Variants in RBFOX1 observed in about 807,000 individuals in gnomAD.
RBFOX1 encodes the protein RNA binding protein fox-1 homolog 1.
Under a neutral mutation model 57.7 loss-of-function variants are expected in RBFOX1, and 8 were observed. The observed-to-expected ratio is 0.14, with a 90% CI of 0.08 to 0.25. RBFOX1 has a LOEUF of 0.25. Among genes scored for constraint, RBFOX1 ranks in the 10% least tolerant of loss-of-function variants. The pLI is 1.00. For missense variants in RBFOX1, 611 were observed against 548.5 expected, an observed-to-expected ratio of 1.11 and a Z score of -1.14; for synonymous variants, 326 against 222.4, an observed-to-expected ratio of 1.47 and a Z score of -4.15.
chr16:6,561,066 A>G (rs983372702), intron 2 of RBFOX1, among the ~76,000 whole-genome samples: 1 of 152,186 alleles, frequency 6.6e-6, no homozygotes, highest in African/African-American at 2.4e-5. Context: ...AATTGTTGCT[A>G]TGTGCAGCTG....
downstream of RBFOX1, among the ~76,000 whole-genome samples, chr16:5,605,028 C>G (rs1411940797): frequency 6.6e-6 from 1 of 152,242 alleles, no homozygotes. Flanking sequence ...CCCGCGCACA[C>G]ACACCCACTC....
intron 1 of RBFOX1, among the ~76,000 whole-genome samples, chr16:6,137,783 A>AT (rs944262541): frequency 6.6e-6 from 1 of 151,696 alleles, no homozygotes; most frequent in East Asian, 1.9e-4. Flanking sequence ...AATTTTTAAA[A>AT]TTTTTTGTAG....
rs79339882 is a variant in RBFOX1, at chr16:5,964,827, C to T, written c.351+97492C>T. On this transcript the variant is annotated intron_variant, in intron 4 of 19. Transcript: ENST00000641259. The stretch of plus-strand genomic sequence containing the variant: ...TATATACATTTATATACCATATACA[C>T]GTATATACACACACACAATGACCTT... Among the ~76,000 whole-genome samples, 509 of 151,686 alleles carry T rather than the reference C, an allele frequency of 3.4e-3. 5 individuals carry two copies. Among genetic ancestry groups the T allele is most frequent in the East Asian group, 0.032 (166 of 5,160 alleles).
chr16:5,536,049 G>A (rs950694292), intron 2 of RBFOX1, among the ~76,000 whole-genome samples: 2 of 151,482 alleles, frequency 1.3e-5, no homozygotes, highest in Admixed American at 1.3e-4. Flanking sequence ...CTTACTTTTA[G>A]CTTCTTTTGC....
intron 4 of RBFOX1, among the ~76,000 whole-genome samples, chr16:7,346,530 C>T (rs998256008): frequency 3.3e-5 from 5 of 151,918 alleles, no homozygotes; most frequent in Non-Finnish European, 7.4e-5. Context: ...ACAGATGTTA[C>T]CAAGCCACTG....
At chr16:5,694,477 G>A (rs1293447039) in intron 3 of RBFOX1, among the ~76,000 whole-genome samples, 1 of 152,156 alleles carries the variant, frequency 6.6e-6, no homozygotes, top group African/African-American at 2.4e-5. Flanking sequence ...TATGAAATCG[G>A]TAGGCATTTC....
intron 14 of RBFOX1, among the ~76,000 whole-genome samples, chr16:7,683,010 G>GTGTATA: frequency 0.021 from 104 of 4,922 alleles, 29 homozygotes; most frequent in African/African-American, 0.043. Context: ...GTGTGTGTGT[G>GTGTATA]TATATATATA....
At chr16:6,612,156 A>T (rs994240599) in intron 2 of RBFOX1, among the ~76,000 whole-genome samples, 46 of 151,750 alleles carry the variant, frequency 3.0e-4, no homozygotes, top group Admixed American at 3.0e-3. Context: ...CTCATCTTTT[A>T]TTTTCTGTTT....
At chr16:7,273,260 T>C (rs75624896) in intron 4 of RBFOX1, among the ~76,000 whole-genome samples, 5,109 of 121,384 alleles carry the variant, frequency 0.042, 487 homozygotes, top group African/African-American at 0.086. Context: ...CTTCCTTCCT[T>C]CCTCCCTTTC....
At chr16:6,211,120 AC>A (rs1377023677) in intron 1 of RBFOX1, among the ~76,000 whole-genome samples, 16 of 151,484 alleles carry the variant, frequency 1.1e-4, no homozygotes, top group Non-Finnish European at 2.1e-4. Context: ...ATGTGGCCTA[AC>A]GGCAGACTGG....
At chr16:5,677,192 A>C (rs542748268) in intron 3 of RBFOX1, among the ~76,000 whole-genome samples, 1 of 152,314 alleles carries the variant, frequency 6.6e-6, no homozygotes, top group South Asian at 2.1e-4. Flanking sequence ...CTCTTGCTCT[A>C]TCTTTCTAAA....
At chr16:5,480,516 G>C (rs531219550) in intron 2 of RBFOX1, among the ~76,000 whole-genome samples, 1 of 152,314 alleles carries the variant, frequency 6.6e-6, no homozygotes, top group East Asian at 1.9e-4. Flanking sequence ...CACGGGATTA[G>C]ACAATTCAAA....
At chr16:6,183,006 T>C (rs1285827604) in intron 1 of RBFOX1, among the ~76,000 whole-genome samples, 1 of 152,096 alleles carries the variant, frequency 6.6e-6, no homozygotes, top group Non-Finnish European at 1.5e-5. Context: ...TATACATTAA[T>C]TCACTGACAA....
At chr16:7,203,042 T>A (rs1257284474) in intron 4 of RBFOX1, among the ~76,000 whole-genome samples, 1 of 152,172 alleles carries the variant, frequency 6.6e-6, no homozygotes, top group Admixed American at 6.5e-5. Flanking sequence ...TGCCTCGGCC[T>A]CCCAAAGTGC....
At chr16:5,257,697 G>A (rs923985744) in intron 1 of RBFOX1, among the ~76,000 whole-genome samples, 2 of 152,140 alleles carry the variant, frequency 1.3e-5, no homozygotes, top group African/African-American at 4.8e-5. Flanking sequence ...GAAGCAAGGC[G>A]CATGGGTCGA....
chr16:7,331,945 T>G (rs925437588), intron 4 of RBFOX1, among the ~76,000 whole-genome samples: 12 of 152,198 alleles, frequency 7.9e-5, no homozygotes, highest in African/African-American at 2.7e-4. Context: ...AATGTATTTT[T>G]TATCCATAGT....
chr16:6,624,983 G>A (rs1211700640), intron 2 of RBFOX1, among the ~76,000 whole-genome samples: 3 of 151,870 alleles, frequency 2.0e-5, no homozygotes, highest in Non-Finnish European at 2.9e-5. Flanking sequence ...TGGCCAACAT[G>A]GTGAAACCCC....
chr16:7,154,016 T>C (rs1462151382), intron 4 of RBFOX1, among the ~76,000 whole-genome samples: 1 of 152,206 alleles, frequency 6.6e-6, no homozygotes, highest in African/African-American at 2.4e-5. Context: ...TTATCCATCA[T>C]CATTATCATA....
At chr16:7,460,543 C>A (rs1259284887) in intron 4 of RBFOX1, among the ~76,000 whole-genome samples, 2 of 147,022 alleles carry the variant, frequency 1.4e-5, no homozygotes. Context: ...TAGAGGGGAA[C>A]AACACACAGT....
Sources: gnomAD v4.1 joint callset for allele counts (sites outside exome capture counted in the v4.1 genomes callset) on GRCh38, gnomAD v4.1.1 for gene constraint, MANE v1.5 for transcripts, NCBI Gene and HGNC (gene_info 2026-07-23, HGNC 2026-07-21) for gene names.